PHF8: variants seen among roughly 807,000 people sequenced by gnomAD.
The protein encoded by PHF8 is PHD finger protein 8.
In PHF8, 9 loss-of-function variants were observed where a neutral mutation model predicts 74.4. The observed-to-expected ratio is 0.12, with a 90% confidence interval of 0.07 to 0.21. The LOEUF is 0.21. Ranked by LOEUF, PHF8 falls within the 10% of genes least tolerant of loss-of-function variation. The pLI is 1.00. For synonymous variants in PHF8, 311 were observed against 316.6 expected (o/e 0.98, Z 0.19); for missense variants, 478 against 816.6 (o/e 0.59, Z 5.05).
rs183059671 is a variant in PHF8 at position 53,959,908 on chromosome X, A to G, written c.2539+2936T>C. Reference sequence around the variant, plus strand: ...AAAAAGGGAATGATGTAAGTTGATTAAAGGAGAAATAGACTTCATAAACCA... The same window carrying G: ...AAAAAGGGAATGATGTAAGTTGATTGAAGGAGAAATAGACTTCATAAACCA... On this transcript the variant is annotated intron_variant, in intron 19 of 21. Coordinates refer to ENST00000338154, the MANE Select transcript of PHF8 (RefSeq NM_015107.3). 7.8e-3 allele frequency among the ~76,000 whole-genome samples: 840 copies of G among 107,423 alleles called. 5 individuals carry two copies. Among genetic ancestry groups the G allele is most frequent in the Non-Finnish European group, 0.012 (645 of 52,039 alleles). The allele number at this position is 107,423 out of a possible 115,157, so 93.3% of individuals were successfully genotyped here.
intron 19 of PHF8, among the ~76,000 whole-genome samples, chrX:53,949,107 C>T (rs1420771336): frequency 3.8e-5 from 4 of 106,263 alleles, no homozygotes; most frequent in Non-Finnish European, 5.9e-5. Flanking sequence ...CCGAGGTGAG[C>T]GGATCACCTG....
intron 2 of PHF8, among the ~76,000 whole-genome samples, chrX:54,033,927 TAA>T (rs1362565898): frequency 1.1e-5 from 1 of 89,486 alleles, no homozygotes; most frequent in Non-Finnish European, 2.3e-5. Flanking sequence ...TTGTCTCAAA[TAA>T]AAAAAAAAAG....
At chrX:54,023,064 C>T (rs955109102) in intron 2 of PHF8, among the ~76,000 whole-genome samples, 2 of 111,845 alleles carry the variant, frequency 1.8e-5, no homozygotes, top group African/African-American at 3.2e-5. Context: ...CAACCTCTGC[C>T]TCCTGGGTTC....
intron 19 of PHF8, among the ~76,000 whole-genome samples, chrX:53,951,235 A>T (rs1221816807): frequency 3.6e-5 from 4 of 112,442 alleles, no homozygotes; most frequent in Non-Finnish European, 7.5e-5. Context: ...CTTTGAAGAT[A>T]AGTCAATTGA....
Position 53,937,777 on chromosome X carries a change from A to G in PHF8, c.*1381T>C. Reference sequence around the variant, plus strand: ...CAGAAGCATTGGGCAAGCTGGGGTGAGGTTGGAGTGGGTGGTACAGGTGGA... The same window carrying G: ...CAGAAGCATTGGGCAAGCTGGGGTGGGGTTGGAGTGGGTGGTACAGGTGGA... On this transcript the variant is annotated 3_prime_UTR_variant, in exon 22 of 22. Coordinates refer to ENST00000338154, the MANE Select transcript of PHF8 (RefSeq NM_015107.3). 2.6e-6 allele frequency: 1 copy of G among 388,590 alleles called. No individual in the cohort carries two copies. Among genetic ancestry groups the G allele is most frequent in the Non-Finnish European group, 4.5e-6 (1 of 223,096 alleles). The allele number at this position is 388,590 out of a possible 1,213,427, so 32.0% of individuals were successfully genotyped here.
At chrX:54,031,359 A>T (rs1164974464) in intron 2 of PHF8, among the ~76,000 whole-genome samples, 9 of 110,126 alleles carry the variant, frequency 8.2e-5, no homozygotes, top group African/African-American at 2.6e-4. Flanking sequence ...ACAGAGCACC[A>T]TCTATAAAAC....
At chrX:53,989,839 C>T (rs2149834639) in intron 14 of PHF8, among the ~76,000 whole-genome samples, 1 of 112,094 alleles carries the variant, frequency 8.9e-6, no homozygotes, top group Non-Finnish European at 1.9e-5. Context: ...TCCATGGCAA[C>T]TGCTCCATGT....
intron 2 of PHF8, among the ~76,000 whole-genome samples, chrX:54,040,736 G>T (rs2066539181): frequency 8.9e-6 from 1 of 111,896 alleles, no homozygotes; most frequent in Non-Finnish European, 1.9e-5. Context: ...GATCACAAAA[G>T]GTCTTGTCTG....
intron 18 of PHF8, among the ~76,000 whole-genome samples, chrX:53,976,939 A>T (rs1219090523): frequency 8.9e-6 from 1 of 112,062 alleles, no homozygotes; most frequent in African/African-American, 3.2e-5. Flanking sequence ...CCCTCTTTTC[A>T]CTACTGCCCT....
At chrX:54,043,040 C>A in intron 1 of PHF8, 1 of 428,570 alleles carries the variant, frequency 2.3e-6, no homozygotes, top group Non-Finnish European at 3.5e-6. Context: ...CCCACACTCT[C>A]CACTCCCCAC....
intron 7 of PHF8, among the ~76,000 whole-genome samples, chrX:54,013,775 G>A (rs1473788122): frequency 2.7e-5 from 3 of 110,009 alleles, no homozygotes; most frequent in Non-Finnish European, 5.7e-5. Context: ...CTGAGATCAC[G>A]CCACTGCAGT....
intron 2 of PHF8, among the ~76,000 whole-genome samples, chrX:54,040,828 CT>C (rs1316409535): frequency 4.5e-5 from 5 of 112,162 alleles, no homozygotes; most frequent in African/African-American, 1.6e-4. Flanking sequence ...TTGATCAGCA[CT>C]AGCAAAGACA....
At chrX:53,999,998 G>A in intron 10 of PHF8, 37 bp from the exon 11 acceptor site, 3 of 923,491 alleles carry the variant, frequency 3.2e-6, no homozygotes, top group Non-Finnish European at 4.7e-6. Context: ...TGTCAACAAA[G>A]CCATGCAGGA....
intron 2 of PHF8, among the ~76,000 whole-genome samples, chrX:54,037,065 T>C (rs1231774875): frequency 2.0e-5 from 2 of 98,785 alleles, no homozygotes; most frequent in African/African-American, 3.7e-5. Flanking sequence ...CTCAAGAAAC[T>C]AGATAGAGAG....
At chrX:53,994,381 T>C (rs1437551174) in intron 12 of PHF8, among the ~76,000 whole-genome samples, 2 of 112,472 alleles carry the variant, frequency 1.8e-5, no homozygotes, top group East Asian at 2.8e-4. Flanking sequence ...TGTGGCTCCT[T>C]TGAGCTTCTT....
chrX:54,015,506 G>A (rs1377852366), intron 6 of PHF8, among the ~76,000 whole-genome samples: 2 of 104,100 alleles, frequency 1.9e-5, no homozygotes, highest in Admixed American at 2.1e-4. Flanking sequence ...AACCAGGGAG[G>A]CGGAGCTTGC....
intron 4 of PHF8, among the ~76,000 whole-genome samples, chrX:54,019,767 A>G (rs2066135064): frequency 1.0e-5 from 1 of 95,517 alleles, no homozygotes; most frequent in South Asian, 5.4e-4. Context: ...CAGCCTAGCC[A>G]ACAGAGCAAG....
intron 10 of PHF8, among the ~76,000 whole-genome samples, chrX:54,001,414 T>C (rs782080169): frequency 2.8e-5 from 3 of 105,865 alleles, no homozygotes; most frequent in South Asian, 4.2e-4. Context: ...AAGGCTGAGG[T>C]AGGCAAAGCT....
chrX:54,044,746 C>G, upstream of PHF8: 1 of 531,131 alleles, frequency 1.9e-6, no homozygotes, highest in Non-Finnish European at 2.9e-6. Context: ...TCAGCTACCC[C>G]GACTCGCACA....
Sources: gnomAD v4.1 joint callset for allele counts (sites outside exome capture counted in the v4.1 genomes callset) on GRCh38, gnomAD v4.1.1 for gene constraint, MANE v1.5 for transcripts, NCBI Gene and HGNC (gene_info 2026-07-23, HGNC 2026-07-21) for gene names.